The following PPM1E variants were observed in gnomAD, a reference collection of about 807,000 sequenced individuals.
The protein encoded by PPM1E is protein phosphatase, Mg2+/Mn2+ dependent 1E.
A neutral mutation model predicts 65.9 loss-of-function variants in PPM1E; 20 were observed. The observed-to-expected ratio is 0.30, with a 90% CI of 0.21 to 0.44. The LOEUF is 0.44. PPM1E is among the 20% of genes least tolerant of loss of function. The pLI is 1.00. For missense variants in PPM1E, 713 were observed against 953.1 expected (o/e 0.75, Z 3.32); for synonymous variants, 352 against 374.9 (o/e 0.94, Z 0.70).
intron 1 of PPM1E, among the ~76,000 whole-genome samples, chr17:58,914,731 T>G (rs978871270): frequency 1.3e-5 from 2 of 152,168 alleles, no homozygotes; most frequent in Non-Finnish European, 2.9e-5. Context: ...CCAGCAAATT[T>G]TGATGTAGAG....
chr17:58,842,336 A>G (rs1476201919), intron 1 of PPM1E, among the ~76,000 whole-genome samples: 1 of 152,224 alleles, frequency 6.6e-6, no homozygotes, highest in Non-Finnish European at 1.5e-5. Context: ...GACATTAAGT[A>G]AAAACTAAGG....
chr17:58,770,754 AT>A (rs971974153), intron 1 of PPM1E, among the ~76,000 whole-genome samples: 3 of 151,722 alleles, frequency 2.0e-5, no homozygotes, highest in Non-Finnish European at 4.4e-5. Flanking sequence ...ATGAAACTGA[AT>A]TTTTTCTCCC....
chr17:58,901,001 G>A (rs775413992), intron 1 of PPM1E, among the ~76,000 whole-genome samples: 2 of 152,094 alleles, frequency 1.3e-5, no homozygotes, highest in Non-Finnish European at 2.9e-5. Flanking sequence ...CTAAGACACA[G>A]AGAGATTAAG....
rs1451801814 is a variant in PPM1E, at chr17:58,937,136, AAAAAT to A, written c.465-18505_465-18501del. Reference sequence around the variant, plus strand: ...CGTCTCTAATAAAAATACAAAAAAAAAAAATAAAATAAGCTCTTGTAAATAAATAT... The same window carrying A: ...CGTCTCTAATAAAAATACAAAAAAAAAAAATAAGCTCTTGTAAATAAATAT... On this transcript the variant is annotated intron_variant, in intron 1 of 6. Coordinates refer to ENST00000308249, the MANE Select transcript of PPM1E (RefSeq NM_014906.5). 1.4e-3 allele frequency among the ~76,000 whole-genome samples: 206 copies of A among 152,188 alleles called. 1 individual carries two copies. Among genetic ancestry groups the A allele is most frequent in the African/African-American group, 4.8e-3 (201 of 41,536 alleles).
At chr17:58,978,987 G>C (rs909087762) in intron 6 of PPM1E, among the ~76,000 whole-genome samples, 5 of 152,110 alleles carry the variant, frequency 3.3e-5, no homozygotes, top group Admixed American at 2.6e-4. Flanking sequence ...CTCCCTAACA[G>C]TTGCCTCTGC....
At chr17:58,766,346 TGC>T (rs2049878527) in intron 1 of PPM1E, among the ~76,000 whole-genome samples, 1 of 151,052 alleles carries the variant, frequency 6.6e-6, no homozygotes, top group African/African-American at 2.4e-5. Flanking sequence ...GGATTACAGG[TGC>T]GGGCCACCAC....
At chr17:58,901,274 T>G (rs2051495053) in intron 1 of PPM1E, among the ~76,000 whole-genome samples, 1 of 152,252 alleles carries the variant, frequency 6.6e-6, no homozygotes, top group Non-Finnish European at 1.5e-5. Flanking sequence ...GCCACCACCT[T>G]GACTTTGATC....
chr17:58,856,218 T>G (rs1451356741), intron 1 of PPM1E, among the ~76,000 whole-genome samples: 1 of 152,158 alleles, frequency 6.6e-6, no homozygotes, highest in Non-Finnish European at 1.5e-5. Flanking sequence ...TATTCTAATG[T>G]TTAGTAATAT....
intron 1 of PPM1E, among the ~76,000 whole-genome samples, chr17:58,837,786 C>T (rs189676077): frequency 5.9e-5 from 9 of 152,294 alleles, no homozygotes; most frequent in Non-Finnish European, 8.8e-5. Flanking sequence ...GCATGAGCCA[C>T]CACAACCAGC....
At chr17:58,867,986 G>T (rs2051024616) in intron 1 of PPM1E, among the ~76,000 whole-genome samples, 1 of 152,150 alleles carries the variant, frequency 6.6e-6, no homozygotes, top group Admixed American at 6.6e-5. Flanking sequence ...ATAAGACTCT[G>T]TAAGAAGGTG....
rs2031424194 is a variant in PPM1E at position 58,982,609 on chromosome 17, C to CTA, written c.*1582_*1583dup. ...TGGCATATTTTGGATACCAGTATAGCTATATCAAATAGACAAAAACAGCTT... is the reference window on the plus strand; with the variant it reads ...TGGCATATTTTGGATACCAGTATAGCTATATATCAAATAGACAAAAACAGCTT... On this transcript the variant is annotated 3_prime_UTR_variant, in exon 7 of 7. Transcript: ENST00000308249. 5.5e-6 allele frequency: 2 copies of CTA among 363,374 alleles called. No individual in the cohort carries two copies. The highest frequency in any genetic ancestry group is 8.5e-5 in the South Asian group (2 of 23,542). The allele number at this position is 363,374 out of a possible 1,614,324, so 22.5% of individuals were successfully genotyped here.
At chr17:58,767,468 A>G (rs2049892380) in intron 1 of PPM1E, among the ~76,000 whole-genome samples, 1 of 152,192 alleles carries the variant, frequency 6.6e-6, no homozygotes, top group South Asian at 2.1e-4. Flanking sequence ...AAATGTAGAA[A>G]TTGAATTTTG....
rs999229702 is a variant in PPM1E, at chr17:58,799,967, A to C, written c.464+43506A>C. 1.3e-5 allele frequency among the ~76,000 whole-genome samples: 2 copies of C among 152,224 alleles called. 1 individual carries two copies. Among genetic ancestry groups the C allele is most frequent in the Admixed American group, 1.3e-4 (2 of 15,282 alleles). ...GATTTTATAGATCTTTTGCATTTCC[A>C]TATAAATTTTAAAATTAAGTTTTCT... is the stretch of plus-strand genomic sequence containing the variant. On this transcript the variant is annotated intron_variant, in intron 1 of 6. Coordinates refer to ENST00000308249, the MANE Select transcript of PPM1E (RefSeq NM_014906.5).
At chr17:58,769,525 A>T (rs986768031) in intron 1 of PPM1E, among the ~76,000 whole-genome samples, 2 of 152,144 alleles carry the variant, frequency 1.3e-5, no homozygotes, top group African/African-American at 4.8e-5. Context: ...TGAACCTGGG[A>T]GGCTGCCCTG....
At chr17:58,921,469 A>G (rs565583957) in intron 1 of PPM1E, among the ~76,000 whole-genome samples, 2 of 151,766 alleles carry the variant, frequency 1.3e-5, no homozygotes, top group African/African-American at 4.8e-5. Flanking sequence ...GGATCACTTG[A>G]CCCCAGGAAT....
chr17:58,892,656 G>T (rs2051362270), intron 1 of PPM1E, among the ~76,000 whole-genome samples: 1 of 152,140 alleles, frequency 6.6e-6, no homozygotes, highest in African/African-American at 2.4e-5. Flanking sequence ...AACTGAGAAG[G>T]CAAGCTACAG....
At chr17:58,764,243 C>T (rs959531532) in intron 1 of PPM1E, among the ~76,000 whole-genome samples, 3 of 152,028 alleles carry the variant, frequency 2.0e-5, no homozygotes, top group South Asian at 2.1e-4. Flanking sequence ...GCTACCATAA[C>T]AAACAATTTT....
chr17:58,808,131 G>A (rs1454546584), intron 1 of PPM1E, among the ~76,000 whole-genome samples: 1 of 152,100 alleles, frequency 6.6e-6, no homozygotes, highest in Admixed American at 6.6e-5. Flanking sequence ...ATTTTCATGG[G>A]TCTATTTCTA....
At chr17:58,785,065 AG>A (rs1319069879) in intron 1 of PPM1E, among the ~76,000 whole-genome samples, 3 of 152,024 alleles carry the variant, frequency 2.0e-5, no homozygotes, top group African/African-American at 7.2e-5. Context: ...AAGGTCATGA[AG>A]ATTTACTATG....
Sources: gnomAD v4.1 joint callset for allele counts (sites outside exome capture counted in the v4.1 genomes callset) on GRCh38, gnomAD v4.1.1 for gene constraint, MANE v1.5 for transcripts, NCBI Gene and HGNC (gene_info 2026-07-23, HGNC 2026-07-21) for gene names.